SGCD: variants seen among roughly 807,000 people sequenced by gnomAD.
SGCD encodes the protein delta-sarcoglycan.
SGCD carries 18 observed loss-of-function variants against 36.6 expected under a neutral mutation model. The observed-to-expected ratio is 0.49, with a 90% confidence interval of 0.34 to 0.73. The LOEUF (loss-of-function observed/expected upper bound fraction) is 0.73, where lower values mean the gene tolerates loss of function less well. Ranked by LOEUF, SGCD falls within the 30% of genes least tolerant of loss-of-function variation. The pLI is 0.01. For missense variants in SGCD, 387 were observed against 346.7 expected, an observed-to-expected ratio of 1.12 and a Z score of -0.92; for synonymous variants, 133 against 130.6, an observed-to-expected ratio of 1.02 and a Z score of -0.12.
chr5:155,885,842 G>A (rs980638875), intron 1 of SGCD, among the ~76,000 whole-genome samples: 13 of 152,186 alleles, frequency 8.5e-5, no homozygotes, highest in African/African-American at 2.7e-4. Context: ...AAGAAGAGAG[G>A]CCTCACTTGG....
In SGCD at chr5:156,364,153, C is replaced by G. The variant is rs183311950; in HGVS notation, c.192+19476C>G. The stretch of plus-strand genomic sequence containing the variant: ...GATCTATCTCTCAGAACTGAATCTA[C>G]TGAGTTATGCTGGGATTATGACAGC... On this transcript the variant is annotated intron_variant, in intron 3 of 8. Transcript: ENST00000337851. 1.3e-3 allele frequency among the ~76,000 whole-genome samples: 204 copies of G among 151,444 alleles called. 1 individual carries two copies. Among genetic ancestry groups the G allele is most frequent in the African/African-American group, 4.9e-3 (199 of 40,870 alleles).
intron 3 of SGCD, among the ~76,000 whole-genome samples, chr5:156,350,002 T>C (rs898905542): frequency 6.6e-6 from 1 of 151,880 alleles, no homozygotes; most frequent in Non-Finnish European, 1.5e-5. Flanking sequence ...TGATACCACA[T>C]GTTCTTTTTG....
chr5:155,889,150 G>A (rs900030395), intron 1 of SGCD, among the ~76,000 whole-genome samples: 1 of 152,112 alleles, frequency 6.6e-6, no homozygotes, highest in African/African-American at 2.4e-5. Context: ...CAAACATCTT[G>A]TGTTCCTAGC....
chr5:156,735,262 G>A (rs1278989646), intron 7 of SGCD, among the ~76,000 whole-genome samples: 1 of 152,168 alleles, frequency 6.6e-6, no homozygotes, highest in African/African-American at 2.4e-5. Context: ...GAGGAATGGG[G>A]TCAGGGACCT....
chr5:156,073,814 C>T (rs1352811407), intron 1 of SGCD, among the ~76,000 whole-genome samples: 5 of 152,192 alleles, frequency 3.3e-5, no homozygotes, highest in Non-Finnish European at 5.9e-5. Flanking sequence ...GGGTTTTCTT[C>T]ATAACCCATT....
chr5:156,206,295 T>G (rs1173878638), intron 3 of SGCD, among the ~76,000 whole-genome samples: 1 of 151,922 alleles, frequency 6.6e-6, no homozygotes, highest in African/African-American at 2.4e-5. Context: ...TTCCCAATAT[T>G]TTTTGGTCAC....
chr5:155,879,348 C>A (rs1299378269), intron 1 of SGCD, among the ~76,000 whole-genome samples: 1 of 152,158 alleles, frequency 6.6e-6, no homozygotes, highest in African/African-American at 2.4e-5. Flanking sequence ...GCAGCCAGAT[C>A]TTCATGCTTC....
At chr5:156,485,053 G>T (rs534271214) in intron 3 of SGCD, among the ~76,000 whole-genome samples, 1 of 151,812 alleles carries the variant, frequency 6.6e-6, no homozygotes, top group Non-Finnish European at 1.5e-5. Context: ...ACAAGTGTAA[G>T]AAGTTGTTAC....
At chr5:156,097,645 T>TGA (rs1004499166) in intron 1 of SGCD, among the ~76,000 whole-genome samples, 2 of 152,212 alleles carry the variant, frequency 1.3e-5, no homozygotes, top group African/African-American at 4.8e-5. Flanking sequence ...AATTAGTTGT[T>TGA]GAGACATTTC....
chr5:156,374,192 T>C lies in SGCD; in HGVS notation c.192+29515T>C, dbSNP rs554107869. ...ATGGCAATATCCTTAGTGTTAAAATTGCTCATTTCACTCTCTAGCCTAAAA... is the reference window on the plus strand; with the variant it reads ...ATGGCAATATCCTTAGTGTTAAAATCGCTCATTTCACTCTCTAGCCTAAAA... On this transcript the variant is annotated intron_variant, in intron 3 of 8. Coordinates refer to ENST00000337851, the MANE Select transcript of SGCD (RefSeq NM_000337.6). 4.6e-5 allele frequency among the ~76,000 whole-genome samples: 7 copies of C among 152,016 alleles called. No homozygotes were observed. In the South Asian group the frequency reaches 1.5e-3, roughly 32 times the overall value.
At chr5:156,289,563 C>G (rs1007484089) in intron 3 of SGCD, among the ~76,000 whole-genome samples, 2 of 151,650 alleles carry the variant, frequency 1.3e-5, no homozygotes, top group Admixed American at 6.6e-5. Flanking sequence ...CAAGCAACCT[C>G]TTTCTATTGC....
intron 3 of SGCD, among the ~76,000 whole-genome samples, chr5:156,225,817 TA>T (rs917899727): frequency 1.4e-3 from 205 of 148,346 alleles, no homozygotes; most frequent in Middle Eastern, 3.5e-3. Context: ...TAATAAATAT[TA>T]AAAAAAAAAC....
intron 3 of SGCD, among the ~76,000 whole-genome samples, chr5:156,497,213 G>A (rs1485966411): frequency 2.0e-5 from 3 of 149,568 alleles, no homozygotes; most frequent in Non-Finnish European, 4.5e-5. Context: ...CTCTGCGTGT[G>A]TTCTTCTGTT....
At chr5:156,697,114 C>T (rs1754351766) in intron 7 of SGCD, among the ~76,000 whole-genome samples, 1 of 151,882 alleles carries the variant, frequency 6.6e-6, no homozygotes, top group Non-Finnish European at 1.5e-5. Flanking sequence ...GGGGTAGCAG[C>T]TAAAGATTGT....
chr5:156,764,201 C>A lies in SGCD; in HGVS notation c.*4811C>A, dbSNP rs1166300171. 1 of 152,566 alleles carries A rather than the reference C, an allele frequency of 6.6e-6. No homozygotes were observed. Among genetic ancestry groups the A allele is most frequent in the African/African-American group, 2.4e-5 (1 of 41,440 alleles). 9.5% of individuals were successfully genotyped at this position (152,566 alleles called of 1,614,324 possible). On this transcript the variant is annotated 3_prime_UTR_variant, in exon 9 of 9. Transcript: ENST00000337851. ...GCCTTTTATCTCAAAGATAAAATGTCTTTCTTGTGGTCTTTCATCACTATC... is the reference window on the plus strand; with the variant it reads ...GCCTTTTATCTCAAAGATAAAATGTATTTCTTGTGGTCTTTCATCACTATC...
chr5:155,918,493 G>A (rs1362309688), intron 1 of SGCD, among the ~76,000 whole-genome samples: 2 of 152,196 alleles, frequency 1.3e-5, no homozygotes, highest in Non-Finnish European at 2.9e-5. Context: ...AACCTAGGAG[G>A]CGGAGTTTGC....
intron 7 of SGCD, among the ~76,000 whole-genome samples, chr5:156,686,105 A>T (rs117065007): frequency 1.3e-5 from 2 of 152,346 alleles, no homozygotes; most frequent in East Asian, 1.9e-4. Context: ...CTATGTATTG[A>T]ACAATGTGTA....
intron 1 of SGCD, among the ~76,000 whole-genome samples, chr5:156,039,712 G>T (rs761901237): frequency 6.6e-6 from 1 of 152,014 alleles, no homozygotes; most frequent in Non-Finnish European, 1.5e-5. Context: ...TACCTTGCAG[G>T]GTATCCAATG....
intron 3 of SGCD, among the ~76,000 whole-genome samples, chr5:156,419,935 T>TAA (rs1364036416): frequency 6.6e-6 from 1 of 152,042 alleles, no homozygotes; most frequent in African/African-American, 2.4e-5. Context: ...TTTCTGTATC[T>TAA]TTGAGCAGGG....
Sources: gnomAD v4.1 joint callset for allele counts (sites outside exome capture counted in the v4.1 genomes callset) on GRCh38, gnomAD v4.1.1 for gene constraint, MANE v1.5 for transcripts, NCBI Gene and HGNC (gene_info 2026-07-23, HGNC 2026-07-21) for gene names.